The following SLIT2 variants were observed in gnomAD, a reference collection of about 807,000 sequenced individuals.
SLIT2 encodes slit homolog 2 protein.
In SLIT2, 41 loss-of-function variants were observed where a neutral mutation model predicts 185.7. The observed-to-expected ratio is 0.22, with a 90% confidence interval of 0.17 to 0.29. SLIT2 has a LOEUF of 0.29. SLIT2 is among the 10% of genes least tolerant of loss of function. The pLI is 1.00. For missense variants in SLIT2, 1,571 were observed against 1,909.0 expected, an observed-to-expected ratio of 0.82 and a Z score of 3.30; for synonymous variants, 693 against 680.2, an observed-to-expected ratio of 1.02 and a Z score of -0.29.
intron 35 of SLIT2, 37 bp downstream of exon 35, chr4:20,617,235 G>T: frequency 7.7e-7 from 1 of 1,291,290 alleles, no homozygotes; most frequent in Non-Finnish European, 1.0e-6. Flanking sequence ...GCACACACCT[G>T]AAAGCCTCAA....
chr4:20,331,423 G>A (rs1720059025), intron 4 of SLIT2, among the ~76,000 whole-genome samples: 1 of 152,038 alleles, frequency 6.6e-6, no homozygotes, highest in Non-Finnish European at 1.5e-5. Context: ...CCTGAGAAAA[G>A]GAAATTTTGT....
chr4:20,415,092 G>A (rs998213934), intron 4 of SLIT2, among the ~76,000 whole-genome samples: 1 of 152,150 alleles, frequency 6.6e-6, no homozygotes. Flanking sequence ...GTGGAAGAAG[G>A]AAATATTTTG....
chr4:20,598,101 G>A (rs1476864568), intron 32 of SLIT2, among the ~76,000 whole-genome samples, 164 bp from the exon 33 acceptor site: 1 of 152,104 alleles, frequency 6.6e-6, no homozygotes, highest in Admixed American at 6.5e-5. Flanking sequence ...AGCAATTTAA[G>A]AACAAGTCAC....
At chr4:20,444,914 G>T (rs1028257451) in intron 4 of SLIT2, among the ~76,000 whole-genome samples, 1 of 152,080 alleles carries the variant, frequency 6.6e-6, no homozygotes, top group Admixed American at 6.5e-5. Context: ...TACATACTTT[G>T]CGACTTAATT....
At chr4:20,518,557 G>GTGCATATATATATATATATATA (rs1271279922) in intron 11 of SLIT2, among the ~76,000 whole-genome samples, 1 of 17,848 alleles carries the variant, frequency 5.6e-5, no homozygotes, top group African/African-American at 2.2e-4. Context: ...CAGCCTATAT[G>GTGCATATATATATATATATATA]TATATATATA....
chr4:20,517,511 T>G (rs1720321236), intron 11 of SLIT2, among the ~76,000 whole-genome samples: 1 of 151,996 alleles, frequency 6.6e-6, no homozygotes, highest in South Asian at 2.1e-4. Context: ...CTTTCTACCT[T>G]GTTCTGGACA....
intron 3 of SLIT2, among the ~76,000 whole-genome samples, chr4:20,260,462 AT>A (rs1352595491): frequency 1.3e-5 from 2 of 151,880 alleles, no homozygotes; most frequent in Non-Finnish European, 3.0e-5. Context: ...GAAGAACAAA[AT>A]AAAATAAAAA....
chr4:20,279,839 T>A (rs1714545389), intron 4 of SLIT2, among the ~76,000 whole-genome samples: 1 of 152,196 alleles, frequency 6.6e-6, no homozygotes. Context: ...TCTTTAATCG[T>A]AACCTGTGTA....
At chr4:20,397,611 A>G (rs1726005474) in intron 4 of SLIT2, among the ~76,000 whole-genome samples, 1 of 151,866 alleles carries the variant, frequency 6.6e-6, no homozygotes, top group South Asian at 2.1e-4. Context: ...TGTCAAGATG[A>G]GCATTTCAGG....
chr4:20,547,305 G>A (rs1368937836), intron 22 of SLIT2, among the ~76,000 whole-genome samples: 3 of 152,072 alleles, frequency 2.0e-5, no homozygotes, highest in African/African-American at 7.2e-5. Flanking sequence ...GGTCACTTTA[G>A]CAGAATTGGG....
At chr4:20,413,694 T>C (rs1041200199) in intron 4 of SLIT2, among the ~76,000 whole-genome samples, 2 of 152,110 alleles carry the variant, frequency 1.3e-5, no homozygotes, top group African/African-American at 2.4e-5. Context: ...GAAATATACT[T>C]CTTTTTCTAT....
intron 4 of SLIT2, among the ~76,000 whole-genome samples, chr4:20,444,705 G>A (rs969689970): frequency 6.6e-6 from 1 of 152,128 alleles, no homozygotes; most frequent in Non-Finnish European, 1.5e-5. Flanking sequence ...TAAAAACATA[G>A]TGCTTGCTTT....
At chr4:20,461,143 G>C (rs1479435446) in intron 4 of SLIT2, among the ~76,000 whole-genome samples, 1 of 152,154 alleles carries the variant, frequency 6.6e-6, no homozygotes, top group Non-Finnish European at 1.5e-5. Flanking sequence ...TCTGCGTCTT[G>C]AACAATGTTT....
intron 32 of SLIT2, 88 bp from the exon 33 acceptor site, chr4:20,598,177 C>A: frequency 7.9e-7 from 1 of 1,267,818 alleles, no homozygotes; most frequent in Non-Finnish European, 1.1e-6. Flanking sequence ...CATAGTAAAA[C>A]CTGTTCACCT....
intron 4 of SLIT2, among the ~76,000 whole-genome samples, chr4:20,420,446 G>T (rs545787384): frequency 6.6e-6 from 1 of 152,244 alleles, no homozygotes; most frequent in East Asian, 1.9e-4. Context: ...ACACTAAGTT[G>T]TGCCCTCATG....
intron 4 of SLIT2, among the ~76,000 whole-genome samples, chr4:20,381,854 A>G (rs899630309): frequency 1.3e-5 from 2 of 152,078 alleles, no homozygotes; most frequent in Non-Finnish European, 2.9e-5. Flanking sequence ...AGAAAAATTC[A>G]TAACAAAAAC....
At chr4:20,407,670 T>G (rs571598281) in intron 4 of SLIT2, among the ~76,000 whole-genome samples, 5 of 152,336 alleles carry the variant, frequency 3.3e-5, no homozygotes, top group African/African-American at 1.2e-4. Flanking sequence ...GGATATAATG[T>G]GAAATCTCTG....
intron 4 of SLIT2, among the ~76,000 whole-genome samples, chr4:20,462,569 T>C (rs1713848173): frequency 1.3e-5 from 2 of 152,186 alleles, no homozygotes; most frequent in Admixed American, 1.3e-4. Flanking sequence ...CTTTATTACG[T>C]AGTGTTCTCT....
chr4:20,281,374 T>A (rs1714752781), intron 4 of SLIT2, among the ~76,000 whole-genome samples: 1 of 151,978 alleles, frequency 6.6e-6, no homozygotes, highest in Non-Finnish European at 1.5e-5. Context: ...TGCGTTATAA[T>A]TTTTTTTGTA....
Sources: allele counts gnomAD v4.1 joint callset (sites outside exome capture counted in the v4.1 genomes callset), GRCh38; gene constraint gnomAD v4.1.1; transcripts MANE v1.5; gene names NCBI Gene and HGNC (gene_info 2026-07-23, HGNC 2026-07-21).